SMARCC2: variants seen among roughly 807,000 people sequenced by gnomAD.
SMARCC2 encodes SWI/SNF related BAF chromatin remodeling complex subunit C2, also known as SWI/SNF complex subunit SMARCC2.
In SMARCC2, 15 loss-of-function variants were observed where a neutral mutation model predicts 151.3. That is an observed-to-expected ratio of 0.10 (90% confidence interval 0.07 to 0.15). The LOEUF is 0.15. SMARCC2 is among the 10% of genes least tolerant of loss of function. The pLI is 1.00. For missense variants in SMARCC2, 1,031 were observed against 1,599.7 expected (o/e 0.64, Z 6.06); for synonymous variants, 590 against 609.5 (o/e 0.97, Z 0.47).
chr12:56,167,676 T>A (rs1300067160), intron 26 of SMARCC2, among the ~76,000 whole-genome samples: 1 of 152,082 alleles, frequency 6.6e-6, no homozygotes, highest in African/African-American at 2.4e-5. Context: ...CAAGCACTGT[T>A]CAAGGACCTG....
In SMARCC2 at chr12:56,178,487, A is replaced by G. The variant is rs1369796040; in HGVS notation, c.1227T>C (p.Asn409=). 4.3e-6 allele frequency: 7 copies of G among 1,614,030 alleles called. No homozygotes were observed. The East Asian group carries it at 1.3e-4, about 31-fold the overall frequency. Residue 409 remains asparagine, a synonymous_variant, in exon 14 of 29, where the codon AAT becomes AAC. Transcript: ENST00000550164. ...STGNKGEQTK[N]PDLHEDNVTE... is the part of the protein sequence containing the mutation. The stretch of plus-strand genomic sequence containing the variant: ...TCACATTGTCCTCATGCAGGTCTGG[A>G]TTCTTGGTCTGCTCTCCCTTGTTCC...
chr12:56,164,253 C>G, intron 28 of SMARCC2, 50 bp downstream of exon 28: 2 of 1,559,184 alleles, frequency 1.3e-6, no homozygotes, highest in Non-Finnish European at 1.8e-6. Flanking sequence ...CACCCTCCCT[C>G]CAGGTGGACC....
intron 5 of SMARCC2, 169 bp downstream of exon 5, chr12:56,184,675 A>C (rs1327195065): frequency 1.2e-5 from 7 of 599,228 alleles, no homozygotes; most frequent in Non-Finnish European, 2.1e-5. Context: ...AAAATGGGAG[A>C]AGCAGACAGA....
chr12:56,179,011 G>A lies in SMARCC2; in HGVS notation c.1127C>T (p.Thr376Ile). Residue 376 changes from threonine (T) to isoleucine (I), a missense_variant, in exon 12 of 29, where the codon ACC becomes ATC. Thr to Ile is a moderately conservative substitution (Grantham distance 89). Transcript: ENST00000550164. Reference protein sequence around the residue: ...DSESAPVKGGTMTDLDEQEDE... With the variant: ...DSESAPVKGGIMTDLDEQEDE... ...TCCTGTCTTACCCAGGTCGGTCATG[G>A]TGCCGCCTTTGACTGGGGCCGACTC... 1 of 1,614,172 alleles carries A rather than the reference G, an allele frequency of 6.2e-7. No homozygotes were observed. Among genetic ancestry groups the A allele is most frequent in the East Asian group, 2.2e-5 (1 of 44,880 alleles).
chr12:56,164,531 G>A lies in SMARCC2; in HGVS notation c.3433C>T (p.Pro1145Ser). The stretch of plus-strand genomic sequence containing the variant: ...TGGTGGTGATGCCCATGCAGGTTAG[G>A]AGGAGCGGGGAGGTTAATACTGATG... Reference protein sequence around the residue: ...DSISINLPAPPNLHGHHHHLP... With the variant: ...DSISINLPAPSNLHGHHHHLP... Residue 1145 changes from proline (P) to serine (S), a missense_variant, in exon 28 of 29, where the codon CCT becomes TCT. By Grantham distance (74) the Pro-to-Ser change is moderately conservative (BLOSUM62 -1). Around this residue, in one of 12 missense-constraint regions of SMARCC2, gnomAD observed 310 missense variants for 350.0 expected, o/e 0.89. Transcript: ENST00000550164. The A allele has an allele frequency of 6.2e-7, 1 of 1,614,122 alleles. No homozygotes were observed. The highest frequency in any genetic ancestry group is 1.3e-5 in the African/African-American group (1 of 75,070).
At chr12:56,175,597 CA>C (rs1230870851) in intron 15 of SMARCC2, among the ~76,000 whole-genome samples, 1 of 151,994 alleles carries the variant, frequency 6.6e-6, no homozygotes, top group Non-Finnish European at 1.5e-5. Context: ...TGTAGGGGCT[CA>C]AAAAAATGGC....
chr12:56,182,175 T>C (rs902634084), intron 7 of SMARCC2, 96 bp from the exon 8 acceptor site: 14 of 783,742 alleles, frequency 1.8e-5, no homozygotes, highest in South Asian at 9.0e-5. Context: ...ACAGAAAGTA[T>C]TGGGTTCTTG....
chr12:56,165,719 A>G lies in SMARCC2; in HGVS notation c.2851-20T>C. The G allele has an allele frequency of 6.2e-7, 1 of 1,604,524 alleles. No individual in the cohort carries two copies. Among genetic ancestry groups the G allele is most frequent in the Admixed American group, 1.7e-5 (1 of 60,012 alleles). On this transcript the variant is annotated intron_variant, in intron 26 of 28. Transcript: ENST00000550164. ...CTCCAGCTGCCAGTGCCAATTGAGT[A>G]TTGTTATCCAATTTTCAGCAGATCC...
rs1447675311 is a variant in SMARCC2 at position 56,185,007 on chromosome 12, T to A, written c.399+23A>T. ...TAGATTCTCACTGAGGGAAGGGAGA[T>A]AAATAGGGTATATGCCTATTACCTG... On this transcript the variant is annotated intron_variant, in intron 4 of 28. Coordinates refer to ENST00000550164, the MANE Select transcript of SMARCC2 (RefSeq NM_001330288.2). 2.5e-6 allele frequency: 4 copies of A among 1,600,892 alleles called. No homozygotes were observed. The Admixed American group carries it at 6.7e-5, about 27-fold the overall frequency.
chr12:56,170,418 GTT>G, intron 22 of SMARCC2, among the ~76,000 whole-genome samples: 1 of 149,978 alleles, frequency 6.7e-6, no homozygotes. Flanking sequence ...CATAACACCT[GTT>G]TTTTTTTGTT....
intron 11 of SMARCC2, among the ~76,000 whole-genome samples, chr12:56,179,889 G>C (rs811324): frequency 6.6e-6 from 1 of 152,190 alleles, no homozygotes; most frequent in Non-Finnish European, 1.5e-5. Flanking sequence ...GTTTCACCGT[G>C]TTAGCCAGGA....
chr12:56,184,663 G>GA, intron 5 of SMARCC2, 181 bp downstream of exon 5: 1 of 594,540 alleles, frequency 1.7e-6, no homozygotes, highest in African/African-American at 1.9e-5. Context: ...TGTCAGGACT[G>GA]AAAAATGGGA....
Position 56,183,917 on chromosome 12 carries a change from T to C in SMARCC2, c.576A>G (p.Arg192=), listed in dbSNP as rs1876738596. 1.9e-6 allele frequency: 3 copies of C among 1,612,546 alleles called. No individual in the cohort carries two copies. In the African/African-American group the frequency reaches 4.0e-5, roughly 22 times the overall value. The stretch of plus-strand genomic sequence containing the variant: ...CCTGCTTATCCCTCTTCATGACTGG[T>C]CGTACCCATTCCTCTGGGGATAGAG... The part of the protein sequence containing the change: ...PGNLEEEEWV[R]PVMKRDKQVL... The change falls in exon 7 of 29, where the codon CGA becomes CGG. Residue 192 remains arginine, a synonymous_variant. Transcript: ENST00000550164.
At position 56,164,557 on chromosome 12, in the gene SMARCC2, G is replaced by A; in HGVS notation, c.3407C>T (p.Ser1136Phe). The change falls in exon 28 of 29, where the codon TCC becomes TTC. Residue 1136 changes from serine to phenylalanine, a missense_variant. Transcript: ENST00000550164. Reference sequence around the variant, plus strand: ...AGGAGCGGGGAGGTTAATACTGATGGAGTCAGCTAGACTACCAAATGGGAT... The same window carrying A: ...AGGAGCGGGGAGGTTAATACTGATGAAGTCAGCTAGACTACCAAATGGGAT... ...SIIPFGSLAD[S>F]ISINLPAPPN... is the part of the protein sequence containing the mutation. 6.2e-7 allele frequency: 1 copy of A among 1,614,112 alleles called. No homozygotes were observed. The highest frequency in any genetic ancestry group is 8.5e-7 in the Non-Finnish European group (1 of 1,179,992).
intron 23 of SMARCC2, 53 bp downstream of exon 23, chr12:56,170,091 C>T: frequency 1.3e-6 from 2 of 1,538,552 alleles, no homozygotes; most frequent in Non-Finnish European, 1.8e-6. Context: ...CCAACTTCCC[C>T]ATCACCACAG....
At chr12:56,169,368 T>G (rs986901208) in intron 25 of SMARCC2, among the ~76,000 whole-genome samples, 161 bp downstream of exon 25, 17 of 152,194 alleles carry the variant, frequency 1.1e-4, no homozygotes, top group Admixed American at 9.2e-4. Flanking sequence ...TTTTTAAAGC[T>G]TAGAGAAGGG....
At chr12:56,175,797 C>T (rs1477885780) in intron 15 of SMARCC2, among the ~76,000 whole-genome samples, 1 of 152,024 alleles carries the variant, frequency 6.6e-6, no homozygotes, top group Non-Finnish European at 1.5e-5. Flanking sequence ...GTAGGTTGGA[C>T]ATTTAGTATA....
chr12:56,163,014 T>C lies in SMARCC2; in HGVS notation c.*675A>G, dbSNP rs1872086983. 6.6e-6 allele frequency: 1 copy of C among 152,224 alleles called. No individual in the cohort carries two copies. The highest frequency in any genetic ancestry group is 6.6e-5 in the Admixed American group (1 of 15,256). 9.4% of individuals were successfully genotyped at this position (152,224 alleles called of 1,614,324 possible). A position where few individuals can be genotyped will look rare whatever the true frequency, so the allele number is the denominator to read the frequency against. On this transcript the variant is annotated 3_prime_UTR_variant, in exon 29 of 29. Coordinates refer to ENST00000550164, the MANE Select transcript of SMARCC2 (RefSeq NM_001330288.2). Reference sequence around the variant, plus strand: ...GTGACTTTTAAAAACAAAACTGACATTCAGAGGGAAAGGAATCATTGGCTG... The same window carrying C: ...GTGACTTTTAAAAACAAAACTGACACTCAGAGGGAAAGGAATCATTGGCTG...
At chr12:56,173,108 G>C (rs1874266451) in intron 17 of SMARCC2, 79 bp from the exon 18 acceptor site, 1 of 1,302,312 alleles carries the variant, frequency 7.7e-7, no homozygotes, top group East Asian at 2.4e-5. Context: ...AAGACCATAT[G>C]CTGGGCGGCC....
Sources: allele counts gnomAD v4.1 joint callset (sites outside exome capture counted in the v4.1 genomes callset), GRCh38; gene constraint gnomAD v4.1.1; regional missense constraint gnomAD v4.1.1; transcripts MANE v1.5; gene names NCBI Gene and HGNC (gene_info 2026-07-23, HGNC 2026-07-21).